The following CDH5 variants were observed in gnomAD, a reference collection of about 807,000 sequenced individuals.
CDH5 encodes the protein cadherin 5.
Under a neutral mutation model 62.0 loss-of-function variants are expected in CDH5, and 28 were observed. That is an observed-to-expected ratio of 0.45 (90% confidence interval 0.33 to 0.62). The LOEUF (loss-of-function observed/expected upper bound fraction) is 0.62. Among genes scored for constraint, CDH5 ranks in the 20% least tolerant of loss-of-function variants. CDH5 has a pLI of 0.02. For missense variants in CDH5, 940 were observed against 1,065.1 expected (o/e 0.88, Z 1.63); for synonymous variants, 464 against 445.8 (o/e 1.04, Z -0.52).
intron 1 of CDH5, among the ~76,000 whole-genome samples, chr16:66,371,408 G>A (rs1960687500): frequency 1.3e-5 from 2 of 152,128 alleles, no homozygotes; most frequent in South Asian, 2.1e-4. Context: ...CTGACCCCAG[G>A]CCTCTGGGCT....
intron 9 of CDH5, 23 bp downstream of exon 9, chr16:66,398,129 G>A (rs1423305169): frequency 2.5e-6 from 4 of 1,614,018 alleles, no homozygotes; most frequent in Non-Finnish European, 3.4e-6. Flanking sequence ...CAGGTGGGAG[G>A]GGAAGGCAGC....
intron 11 of CDH5, 29 bp from the exon 12 acceptor site, chr16:66,402,623 G>T: frequency 6.5e-7 from 1 of 1,529,988 alleles, no homozygotes; most frequent in South Asian, 1.3e-5. Flanking sequence ...AGCCTTGTCT[G>T]ACTCTGCTGC....
intron 2 of CDH5, among the ~76,000 whole-genome samples, chr16:66,386,582 C>A (rs927200331): frequency 6.6e-6 from 1 of 152,100 alleles, no homozygotes; most frequent in African/African-American, 2.4e-5. Flanking sequence ...GGATTATGGC[C>A]TGCAGCTCTA....
At chr16:66,379,264 A>T in intron 1 of CDH5, 55 bp from the exon 2 acceptor site, 1 of 1,296,800 alleles carries the variant, frequency 7.7e-7, no homozygotes. Flanking sequence ...CCTGTGTCTA[A>T]GTACTCCTTT....
intron 2 of CDH5, among the ~76,000 whole-genome samples, chr16:66,385,401 A>C (rs979118101): frequency 6.6e-6 from 1 of 152,204 alleles, no homozygotes; most frequent in Non-Finnish European, 1.5e-5. Flanking sequence ...CTGTGGTCTA[A>C]GAAGTATGGA....
At chr16:66,382,686 G>A (rs1960918293) in intron 2 of CDH5, among the ~76,000 whole-genome samples, 2 of 152,118 alleles carry the variant, frequency 1.3e-5, no homozygotes, top group South Asian at 4.2e-4. Flanking sequence ...CATTCACTTG[G>A]CCCCTGGCAT....
chr16:66,400,192 A>G (rs1596947748), intron 10 of CDH5, among the ~76,000 whole-genome samples: 2 of 152,318 alleles, frequency 1.3e-5, no homozygotes, highest in Admixed American at 6.5e-5. Flanking sequence ...GGGCGGGGCC[A>G]ATATTTGGAC....
At chr16:66,371,533 G>A (rs1042050601) in intron 1 of CDH5, among the ~76,000 whole-genome samples, 3 of 152,172 alleles carry the variant, frequency 2.0e-5, no homozygotes, top group African/African-American at 7.2e-5. Context: ...GAGTTGGCCT[G>A]GGCAGGTGCC....
At chr16:66,383,840 G>T (rs916963140) in intron 2 of CDH5, among the ~76,000 whole-genome samples, 1 of 152,056 alleles carries the variant, frequency 6.6e-6, no homozygotes, top group African/African-American at 2.4e-5. Context: ...GACCAAGGGG[G>T]CAATCCTCAC....
rs986345209 is a variant in CDH5 at position 66,404,620 on chromosome 16, TATTA to T, written c.*1455_*1458del. On this transcript the variant is annotated 3_prime_UTR_variant, in exon 12 of 12. Coordinates refer to ENST00000341529, the MANE Select transcript of CDH5 (RefSeq NM_001795.5). Reference sequence around the variant, plus strand: ...AGCAGGTTGTTATTTAGGTTAACAATATTAATTCAGGTTTTTTAGTTGGAAAAAC... The same window carrying T: ...AGCAGGTTGTTATTTAGGTTAACAATATTCAGGTTTTTTAGTTGGAAAAAC... 2.8e-4 allele frequency: 42 copies of T among 152,560 alleles called. No homozygotes were observed. Among genetic ancestry groups the T allele is most frequent in the African/African-American group, 9.2e-4 (38 of 41,474 alleles). 9.5% of individuals were successfully genotyped at this position (152,560 alleles called of 1,614,324 possible). A position where few individuals can be genotyped will look rare whatever the true frequency, so the allele number is the denominator to read the frequency against.
intron 1 of CDH5, among the ~76,000 whole-genome samples, chr16:66,371,870 G>T (rs1053375574): frequency 2.0e-5 from 3 of 152,100 alleles, no homozygotes; most frequent in Non-Finnish European, 4.4e-5. Context: ...TAGCTACAAA[G>T]CCAGGGGTCC....
At chr16:66,389,336 C>T in intron 4 of CDH5, 22 bp from the exon 5 acceptor site, 1 of 1,597,430 alleles carries the variant, frequency 6.3e-7, no homozygotes, top group Non-Finnish European at 8.6e-7. Flanking sequence ...TAACATGGTT[C>T]CTGCTGGGAA....
chr16:66,367,293 C>T (rs1480656945), intron 1 of CDH5, among the ~76,000 whole-genome samples: 1 of 152,178 alleles, frequency 6.6e-6, no homozygotes, highest in Non-Finnish European at 1.5e-5. Context: ...AGCCAGTGCC[C>T]CCATTTCAGG....
At chr16:66,394,133 T>G (rs1339608982) in intron 7 of CDH5, among the ~76,000 whole-genome samples, 1 of 152,212 alleles carries the variant, frequency 6.6e-6, no homozygotes, top group African/African-American at 2.4e-5. Flanking sequence ...TTTGACTTTA[T>G]GTATTTAAAT....
At chr16:66,398,347 G>A in intron 9 of CDH5, 109 bp from the exon 10 acceptor site, 1 of 836,728 alleles carries the variant, frequency 1.2e-6, no homozygotes, top group South Asian at 1.5e-5. Context: ...TGTTGCAGGT[G>A]GGAAACAGCC....
intron 7 of CDH5, chr16:66,395,810 C>G: frequency 2.5e-6 from 1 of 397,128 alleles, no homozygotes; most frequent in South Asian, 4.7e-5. Context: ...GAAAGTGCAT[C>G]TGATGGTCTC....
intron 2 of CDH5, among the ~76,000 whole-genome samples, chr16:66,384,772 C>T (rs975819976): frequency 1.3e-5 from 2 of 151,894 alleles, no homozygotes; most frequent in Non-Finnish European, 2.9e-5. Context: ...TTGAGACCAG[C>T]CTGGCCAACA....
intron 2 of CDH5, among the ~76,000 whole-genome samples, chr16:66,379,976 G>A (rs1960864371): frequency 2.1e-5 from 1 of 47,468 alleles, no homozygotes; most frequent in Admixed American, 2.0e-4. Context: ...GTAGGTGTTG[G>A]TGGTGATCAC....
chr16:66,369,462 T>G (rs1187816919), intron 1 of CDH5, among the ~76,000 whole-genome samples: 1 of 152,128 alleles, frequency 6.6e-6, no homozygotes, highest in Non-Finnish European at 1.5e-5. Flanking sequence ...GTTGCCTCCA[T>G]TACAGATAAG....
Sources: gnomAD v4.1 joint callset for allele counts (sites outside exome capture counted in the v4.1 genomes callset) on GRCh38, gnomAD v4.1.1 for gene constraint, MANE v1.5 for transcripts, NCBI Gene and HGNC (gene_info 2026-07-23, HGNC 2026-07-21) for gene names.